RTL4: variants seen among roughly 807,000 people sequenced by gnomAD.
The protein encoded by RTL4 is retrotransposon Gag like 4.
RTL4 carries 4 observed loss-of-function variants against 5.3 expected under a neutral mutation model. The ratio of observed to expected loss-of-function variants is 0.75; its 90% CI spans 0.37 to 1.72. RTL4 has a LOEUF of 1.72. RTL4 is among the 40% of genes most tolerant of loss of function. The pLI, the probability that RTL4 is intolerant of heterozygous loss-of-function variation, is 0.04. For synonymous variants in RTL4, 98 were observed against 87.3 expected (o/e 1.12, Z -0.68); for missense variants, 260 against 227.1 (o/e 1.14, Z -0.93).
At chrX:112,450,917 T>G (rs1004094865), upstream of RTL4, among the ~76,000 whole-genome samples, 2 of 112,086 alleles carry the variant, frequency 1.8e-5, no homozygotes, top group Admixed American at 1.9e-4. Flanking sequence ...GGAAGCAATT[T>G]TTTTTCATTA....
At chrX:112,226,326 T>C in the RTL4 span, among the ~76,000 whole-genome samples, 1 of 112,317 alleles carries the variant, frequency 8.9e-6, no homozygotes, top group African/African-American at 3.2e-5. Flanking sequence ...AGCTACAACC[T>C]GCTTTATGAA....
exon 1 of RTL4, chrX:112,457,110 G>A (rs1211676187): frequency 1.6e-5 from 2 of 123,071 alleles, no homozygotes; most frequent in Non-Finnish European, 3.8e-5. Flanking sequence ...AACCATCAAG[G>A]CCTCTCAGAA....
exon 1 of RTL4, chrX:112,456,372 G>A (rs980528863): frequency 2.9e-5 from 9 of 307,019 alleles, no homozygotes; most frequent in African/African-American, 2.5e-4. Flanking sequence ...GGAACTGTTG[G>A]TCCCTTTTTC....
chrX:112,330,404 C>G, the RTL4 span, among the ~76,000 whole-genome samples: 7 of 105,745 alleles, frequency 6.6e-5, no homozygotes, highest in African/African-American at 2.5e-4. Flanking sequence ...CTCCCATTCA[C>G]AATTGCTTCA....
the RTL4 span, among the ~76,000 whole-genome samples, chrX:112,176,270 A>G: frequency 8.9e-6 from 1 of 112,296 alleles, no homozygotes; most frequent in Non-Finnish European, 1.9e-5. Flanking sequence ...GGGTAGGAAG[A>G]ATCAATATCG....
the RTL4 span, among the ~76,000 whole-genome samples, chrX:112,349,848 C>A: frequency 9.4e-6 from 1 of 106,893 alleles, no homozygotes; most frequent in African/African-American, 3.4e-5. Flanking sequence ...AATTGAATAC[C>A]CTTTATTTCC....
the RTL4 span, among the ~76,000 whole-genome samples, chrX:112,274,105 G>A: frequency 8.9e-6 from 1 of 111,987 alleles, no homozygotes; most frequent in Non-Finnish European, 1.9e-5. Flanking sequence ...CACACCACTA[G>A]CAAATAACTC....
At chrX:112,107,112 A>G in the RTL4 span, among the ~76,000 whole-genome samples, 5 of 111,727 alleles carry the variant, frequency 4.5e-5, no homozygotes, top group African/African-American at 1.6e-4. Flanking sequence ...TGTGGTTACT[A>G]TGAGTCTTAC....
the RTL4 span, among the ~76,000 whole-genome samples, chrX:112,271,238 A>G: frequency 2.7e-5 from 3 of 112,879 alleles, no homozygotes; most frequent in African/African-American, 9.6e-5. Context: ...TATATAAGAC[A>G]GAGTGTGAGA....
chrX:112,303,020 G>A, the RTL4 span, among the ~76,000 whole-genome samples: 2 of 111,891 alleles, frequency 1.8e-5, no homozygotes, highest in Admixed American at 1.9e-4. Flanking sequence ...CCGATGCCTT[G>A]TGCATGATCA....
At chrX:112,112,183 G>T in the RTL4 span, among the ~76,000 whole-genome samples, 1 of 112,268 alleles carries the variant, frequency 8.9e-6, no homozygotes, top group African/African-American at 3.2e-5. Flanking sequence ...TGGTTGTGGG[G>T]TTGTCCCACG....
the RTL4 span, among the ~76,000 whole-genome samples, chrX:112,158,907 G>A: frequency 3.6e-5 from 4 of 111,549 alleles, no homozygotes; most frequent in African/African-American, 1.3e-4. Context: ...ACTGACTTTC[G>A]AAAGGTTTAC....
At chrX:112,269,166 A>G in the RTL4 span, among the ~76,000 whole-genome samples, 1,117 of 112,423 alleles carry the variant, frequency 9.9e-3, 18 homozygotes, top group African/African-American at 0.034. Flanking sequence ...GTCAGCTGGC[A>G]TAAGTATAAA....
the RTL4 span, among the ~76,000 whole-genome samples, chrX:112,448,662 A>G: frequency 2.7e-5 from 3 of 111,198 alleles, no homozygotes; most frequent in Non-Finnish European, 5.7e-5. Flanking sequence ...AACTTACTTC[A>G]TGGAGAGACT....
the RTL4 span, among the ~76,000 whole-genome samples, chrX:112,371,333 A>G: frequency 9.0e-6 from 1 of 111,415 alleles, no homozygotes; most frequent in South Asian, 3.8e-4. Flanking sequence ...CACACCCATC[A>G]TCCATTCTAA....
chrX:112,127,539 A>T, the RTL4 span, among the ~76,000 whole-genome samples: 2 of 111,942 alleles, frequency 1.8e-5, no homozygotes. Flanking sequence ...TGCTGTCACC[A>T]CTGCTATTTA....
chrX:112,348,311 T>G, the RTL4 span, among the ~76,000 whole-genome samples: 1 of 110,059 alleles, frequency 9.1e-6, no homozygotes, highest in Non-Finnish European at 1.9e-5. Flanking sequence ...CTATCCTTGA[T>G]GAGTGATATG....
the RTL4 span, among the ~76,000 whole-genome samples, chrX:112,276,523 C>A: frequency 8.9e-6 from 1 of 112,074 alleles, no homozygotes; most frequent in African/African-American, 3.2e-5. Flanking sequence ...TTATTCAATA[C>A]TTACACAAAT....
chrX:112,372,994 T>C, the RTL4 span, among the ~76,000 whole-genome samples: 1 of 111,317 alleles, frequency 9.0e-6, no homozygotes, highest in South Asian at 3.8e-4. Context: ...TCTGACAGGC[T>C]CAAGAAAATT....
Sources: gnomAD v4.1 joint callset for allele counts (sites outside exome capture counted in the v4.1 genomes callset) on GRCh38, gnomAD v4.1.1 for gene constraint, MANE v1.5 for transcripts, NCBI Gene and HGNC (gene_info 2026-07-23, HGNC 2026-07-21) for gene names.